NEGR1: variants seen among roughly 807,000 people sequenced by gnomAD.
The protein encoded by NEGR1 is neuronal growth regulator 1.
Under a neutral mutation model 40.9 loss-of-function variants are expected in NEGR1, and 10 were observed. The ratio of observed to expected loss-of-function variants is 0.24; its 90% CI spans 0.15 to 0.42. NEGR1 has a LOEUF of 0.42. Ranked by LOEUF, NEGR1 falls within the 10% of genes least tolerant of loss-of-function variation. The pLI is 1.00. For synonymous variants in NEGR1, 185 were observed against 166.8 expected (o/e 1.11, Z -0.84); for missense variants, 352 against 438.9 (o/e 0.80, Z 1.77).
intron 3 of NEGR1, among the ~76,000 whole-genome samples, chr1:71,756,400 A>T: frequency 7.2e-6 from 1 of 138,210 alleles, no homozygotes; most frequent in Non-Finnish European, 1.5e-5. Context: ...AAAACAAAAA[A>T]CAAAAACAAA....
At chr1:72,282,089 T>C (rs944515179) in intron 1 of NEGR1, among the ~76,000 whole-genome samples, 23 of 152,164 alleles carry the variant, frequency 1.5e-4, no homozygotes, top group Admixed American at 8.5e-4. Flanking sequence ...CCCAGGCTAC[T>C]TGGCGTTCCG....
chr1:72,007,494 C>A (rs990317260), intron 1 of NEGR1, among the ~76,000 whole-genome samples: 6 of 152,042 alleles, frequency 3.9e-5, no homozygotes, highest in African/African-American at 9.7e-5. Context: ...GCCAGGGTGC[C>A]CCTGAAGAAG....
intron 1 of NEGR1, among the ~76,000 whole-genome samples, chr1:72,180,415 T>TAA (rs199654197): frequency 1.6e-4 from 23 of 147,092 alleles, no homozygotes; most frequent in Non-Finnish European, 2.1e-4. Context: ...AAGTGATATT[T>TAA]AAAAAAAAAA....
chr1:72,113,461 A>C (rs936495730), intron 1 of NEGR1, among the ~76,000 whole-genome samples: 1 of 151,238 alleles, frequency 6.6e-6, no homozygotes, highest in Non-Finnish European at 1.5e-5. Context: ...GTTTAGAAAA[A>C]AAATATATAT....
chr1:71,663,741 G>A (rs768044166), intron 4 of NEGR1, among the ~76,000 whole-genome samples: 1 of 152,164 alleles, frequency 6.6e-6, no homozygotes, highest in Non-Finnish European at 1.5e-5. Flanking sequence ...CTTCATACAT[G>A]ATTGATAGTT....
chr1:71,912,996 C>T (rs563733091), intron 2 of NEGR1, among the ~76,000 whole-genome samples: 25 of 152,066 alleles, frequency 1.6e-4, no homozygotes, highest in African/African-American at 5.1e-4. Flanking sequence ...GTGCAATTCT[C>T]GGAAGAAAAT....
chr1:71,584,405 T>A (rs541243824), intron 6 of NEGR1, among the ~76,000 whole-genome samples: 1 of 152,170 alleles, frequency 6.6e-6, no homozygotes, highest in Non-Finnish European at 1.5e-5. Context: ...ACTTTTTCGT[T>A]TAGTGGAGTA....
At chr1:71,602,518 T>C (rs1649959728) in intron 5 of NEGR1, among the ~76,000 whole-genome samples, 1 of 152,060 alleles carries the variant, frequency 6.6e-6, no homozygotes, top group East Asian at 1.9e-4. Context: ...CCCAAAGTGC[T>C]GGGATTACAG....
At chr1:72,142,493 T>C (rs1650718350) in intron 1 of NEGR1, among the ~76,000 whole-genome samples, 1 of 151,482 alleles carries the variant, frequency 6.6e-6, no homozygotes, top group Non-Finnish European at 1.5e-5. Flanking sequence ...ATAAGCCAAT[T>C]ACTAGCCACA....
At chr1:72,219,181 T>G (rs1653927960) in intron 1 of NEGR1, among the ~76,000 whole-genome samples, 1 of 152,038 alleles carries the variant, frequency 6.6e-6, no homozygotes, top group African/African-American at 2.4e-5. Flanking sequence ...CAACTTTTTG[T>G]TGATGGATGC....
chr1:72,014,521 G>A (rs1321928168), intron 1 of NEGR1, among the ~76,000 whole-genome samples: 2 of 151,822 alleles, frequency 1.3e-5, no homozygotes, highest in Non-Finnish European at 2.9e-5. Context: ...TTACAATTCA[G>A]GTTTTTGAAT....
intron 4 of NEGR1, among the ~76,000 whole-genome samples, chr1:71,692,520 G>T (rs1202326320): frequency 6.6e-6 from 1 of 151,290 alleles, no homozygotes; most frequent in Non-Finnish European, 1.5e-5. Flanking sequence ...ATGGCCATTT[G>T]TGATCTGCAA....
At chr1:71,520,876 T>C (rs12067411) in intron 6 of NEGR1, among the ~76,000 whole-genome samples, 57 of 152,164 alleles carry the variant, frequency 3.7e-4, no homozygotes, top group African/African-American at 1.3e-3. Context: ...TGCTTTTACT[T>C]GCCACCAAAT....
rs545289273 is a variant in NEGR1 at position 71,827,163 on chromosome 1, A to G, written c.410-50866T>C. Reference sequence around the variant, plus strand: ...TAGCCAATGACTTTGCAGAAAAAAAAGGAGCTTTTTTTTCTATTCTATTGT... The same window carrying G: ...TAGCCAATGACTTTGCAGAAAAAAAGGGAGCTTTTTTTTCTATTCTATTGT... On this transcript the variant is annotated intron_variant, in intron 2 of 6. Coordinates refer to ENST00000357731, the MANE Select transcript of NEGR1 (RefSeq NM_173808.3). Among the ~76,000 whole-genome samples, 13 of 151,884 alleles carry G rather than the reference A, an allele frequency of 8.6e-5. No homozygotes were observed. In the East Asian group the frequency reaches 2.1e-3, roughly 25 times the overall value.
intron 4 of NEGR1, among the ~76,000 whole-genome samples, chr1:71,665,241 C>T (rs1175283228): frequency 6.6e-6 from 1 of 152,122 alleles, no homozygotes; most frequent in Non-Finnish European, 1.5e-5. Flanking sequence ...CATTTTCATT[C>T]ATCTTTGCTG....
At chr1:71,898,467 T>C (rs1661032563) in intron 2 of NEGR1, among the ~76,000 whole-genome samples, 1 of 152,080 alleles carries the variant, frequency 6.6e-6, no homozygotes, top group Non-Finnish European at 1.5e-5. Flanking sequence ...TAAGAAAAAT[T>C]AGCCGGGCGT....
intron 1 of NEGR1, among the ~76,000 whole-genome samples, chr1:72,045,287 A>G (rs1190906458): frequency 6.6e-6 from 1 of 151,840 alleles, no homozygotes; most frequent in African/African-American, 2.4e-5. Flanking sequence ...ATATCAAATC[A>G]TCAATTGGAA....
chr1:71,865,931 T>C (rs1570446108), intron 2 of NEGR1, among the ~76,000 whole-genome samples: 1 of 152,176 alleles, frequency 6.6e-6, no homozygotes, highest in Admixed American at 6.6e-5. Context: ...CAAAGACATA[T>C]ACATCTTAGA....
intron 6 of NEGR1, among the ~76,000 whole-genome samples, chr1:71,581,840 T>C (rs1377992859): frequency 2.0e-5 from 3 of 152,014 alleles, no homozygotes; most frequent in Non-Finnish European, 4.4e-5. Flanking sequence ...GTAGCTGGGA[T>C]GACAGGTGTA....
Sources: allele counts gnomAD v4.1 joint callset (sites outside exome capture counted in the v4.1 genomes callset), GRCh38; gene constraint gnomAD v4.1.1; transcripts MANE v1.5; gene names NCBI Gene and HGNC (gene_info 2026-07-23, HGNC 2026-07-21).